Variants in LACTB2 observed in about 807,000 individuals in gnomAD.
LACTB2 encodes lactamase beta 2.
A neutral mutation model predicts 34.8 loss-of-function variants in LACTB2; 32 were observed. The observed-to-expected ratio is 0.92, with a 90% CI of 0.69 to 1.24. The LOEUF is 1.24. Ranked by LOEUF, LACTB2 falls within the 50% of genes most tolerant of loss-of-function variation. The probability of loss-of-function intolerance (pLI) is 0.00; values close to 1 mark genes in which losing one functional copy is unlikely to be tolerated. For missense variants in LACTB2, 320 were observed against 345.0 expected (o/e 0.93, Z 0.57); for synonymous variants, 120 against 117.5 (o/e 1.02, Z -0.14).
At chr8:70,638,761 A>G in intron 5 of LACTB2, 132 bp from the exon 6 acceptor site, 1 of 633,100 alleles carries the variant, frequency 1.6e-6, no homozygotes, top group Non-Finnish European at 2.3e-6. Flanking sequence ...TTTTTTTTTG[A>G]GACAGAGTCT....
chr8:70,657,428 ATTTTTTTT>A (rs777806428), intron 3 of LACTB2, among the ~76,000 whole-genome samples: 2 of 115,822 alleles, frequency 1.7e-5, no homozygotes, highest in Non-Finnish European at 3.7e-5. Flanking sequence ...CAGATCTTCT[ATTTTTTTT>A]TTTTTTTTTT....
chr8:70,638,669 TAA>T, intron 5 of LACTB2, 40 bp from the exon 6 acceptor site: 1 of 1,339,792 alleles, frequency 7.5e-7, no homozygotes, highest in East Asian at 2.8e-5. Flanking sequence ...CCTTTTTTTT[TAA>T]AAAAAAGAAC....
At chr8:70,651,718 G>C (rs1818345785) in intron 3 of LACTB2, 1 of 151,960 alleles carries the variant, frequency 6.6e-6, no homozygotes, top group African/African-American at 2.4e-5. Context: ...CAAGTAGCAG[G>C]GTTTCTTAAA....
Position 70,640,928 on chromosome 8 carries a change from T to C in LACTB2, c.715A>G (p.Met239Val). 6.2e-7 allele frequency: 1 copy of C among 1,602,898 alleles called. No individual in the cohort carries two copies. The change falls in exon 5 of 7, where the codon ATG becomes GTG. Residue 239 changes from methionine (M) to valine (V), a missense_variant. Coordinates refer to ENST00000276590, the MANE Select transcript of LACTB2 (RefSeq NM_016027.3). ...TTGTAAATAATTTTTACAAGCTCCA[T>C]TACTGTAAATGATTTCTCAAAGTTC... ...RENFEKSFTV[M>V]ELVKIIYKNT...
At chr8:70,668,748 G>GTTTTTTTTTGTT (rs1818573164) in intron 1 of LACTB2, among the ~76,000 whole-genome samples, 3 of 103,732 alleles carry the variant, frequency 2.9e-5, no homozygotes, top group African/African-American at 8.4e-5. Flanking sequence ...CAAAACAGAA[G>GTTTTTTTTTGTT]TTTTTTTTTT....
At chr8:70,643,624 C>A (rs1400772297) in intron 4 of LACTB2, among the ~76,000 whole-genome samples, 1 of 152,080 alleles carries the variant, frequency 6.6e-6, no homozygotes, top group East Asian at 1.9e-4. Flanking sequence ...AAGCGATTCT[C>A]CTGTCTCAGC....
At chr8:70,666,045 A>C (rs943387531) in intron 1 of LACTB2, among the ~76,000 whole-genome samples, 3 of 152,212 alleles carry the variant, frequency 2.0e-5, no homozygotes, top group Admixed American at 6.5e-5. Context: ...TGAGGAAGGA[A>C]GACCAGCTAA....
intron 3 of LACTB2, among the ~76,000 whole-genome samples, chr8:70,657,428 A>ATTTTTT (rs777806428): frequency 1.7e-5 from 2 of 115,818 alleles, no homozygotes; most frequent in Non-Finnish European, 3.7e-5. Context: ...CAGATCTTCT[A>ATTTTTT]TTTTTTTTTT....
At chr8:70,641,981 A>G (rs940880307) in intron 4 of LACTB2, among the ~76,000 whole-genome samples, 23 of 152,278 alleles carry the variant, frequency 1.5e-4, no homozygotes, top group African/African-American at 4.8e-4. Context: ...CCTACTTTAC[A>G]TGGGTTTTGG....
intron 4 of LACTB2, among the ~76,000 whole-genome samples, chr8:70,642,191 A>G (rs569311893): frequency 4.7e-4 from 72 of 152,338 alleles, no homozygotes; most frequent in African/African-American, 1.6e-3. Context: ...AATTCACTCA[A>G]CGTCTGCCCT....
Position 70,637,886 on chromosome 8 carries a change from C to A in LACTB2, c.841G>T (p.Asp281Tyr). ...EGKIFSNTDPDKKWKAHL is the reference protein window; with the variant it reads ...EGKIFSNTDPYKKWKAHL ...TAAAGATGAGCTTTCCATTTCTTGTCAGGATCTGTGTTGCTAACTGTAAAA... is the reference window on the plus strand; with the variant it reads ...TAAAGATGAGCTTTCCATTTCTTGTAAGGATCTGTGTTGCTAACTGTAAAA... Residue 281 changes from aspartate (D) to tyrosine (Y), a missense_variant, in exon 7 of 7, where the codon GAC becomes TAC. Asp to Tyr is a radical substitution (Grantham distance 160). Transcript: ENST00000276590. The A allele has an allele frequency of 1.3e-6, 2 of 1,555,140 alleles. No homozygotes were observed. Among genetic ancestry groups the A allele is most frequent in the Admixed American group, 1.9e-5 (1 of 53,480 alleles).
At chr8:70,645,103 T>C (rs1818246655) in intron 3 of LACTB2, among the ~76,000 whole-genome samples, 1 of 151,998 alleles carries the variant, frequency 6.6e-6, no homozygotes, top group African/African-American at 2.4e-5. Context: ...CATATATGTT[T>C]ATTTATTTTT....
chr8:70,657,919 TTTATAA>T (rs767312584), intron 2 of LACTB2, 37 bp from the exon 3 acceptor site: 16 of 1,422,884 alleles, frequency 1.1e-5, no homozygotes, highest in Admixed American at 2.0e-5. Context: ...TAATTCACAC[TTTATAA>T]TTAAGCCTTT....
chr8:70,645,386 T>C (rs892254765), intron 3 of LACTB2, among the ~76,000 whole-genome samples: 1 of 152,212 alleles, frequency 6.6e-6, no homozygotes, highest in Non-Finnish European at 1.5e-5. Context: ...GCATAGCAGA[T>C]GGCACAAAAT....
At chr8:70,640,444 T>G in intron 5 of LACTB2, 1 of 153,102 alleles carries the variant, frequency 6.5e-6, no homozygotes, top group African/African-American at 2.4e-5. Context: ...TTCTTTGATT[T>G]TTTTTTTCTT....
chr8:70,658,497 G>A (rs1047804363), intron 2 of LACTB2, among the ~76,000 whole-genome samples: 1 of 152,090 alleles, frequency 6.6e-6, no homozygotes, highest in Non-Finnish European at 1.5e-5. Context: ...TGATATCAAA[G>A]TTCTTAAAAG....
chr8:70,645,557 C>T lies in LACTB2; in HGVS notation c.414-1314G>A, dbSNP rs565869028. 3.3e-5 allele frequency among the ~76,000 whole-genome samples: 5 copies of T among 151,674 alleles called. No individual in the cohort carries two copies. The East Asian group carries it at 9.7e-4, about 29-fold the overall frequency. ...ATGTGCACAACGTGCAGGTTAGTTACGTATGTATACATGCGCCATGTTGGT... is the reference window on the plus strand; with the variant it reads ...ATGTGCACAACGTGCAGGTTAGTTATGTATGTATACATGCGCCATGTTGGT... On this transcript the variant is annotated intron_variant, in intron 3 of 6. Transcript: ENST00000276590.
chr8:70,668,748 G>GTTTTTTTT lies in LACTB2; in HGVS notation c.122+243_122+250dup, dbSNP rs990900411. On this transcript the variant is annotated intron_variant, in intron 1 of 6. Transcript: ENST00000276590. ...CAGTAAATCGGGTTTCAAAACAGAA[G>GTTTTTTTT]TTTTTTTTTTTTTTTTTTTTTTTTT... Among the ~76,000 whole-genome samples the GTTTTTTTT allele has an allele frequency of 5.8e-4, 60 of 103,702 alleles. 6 individuals are homozygous for GTTTTTTTT. The highest frequency in any genetic ancestry group is 2.3e-3 in the African/African-American group (56 of 23,884). 68.0% of individuals were successfully genotyped at this position (103,702 alleles called of 152,430 possible).
chr8:70,661,834 A>T lies in LACTB2; in HGVS notation c.186T>A (p.Ala62=), dbSNP rs749906245. ...IPEYISCLKQ[A]LTEFNTAIQE... Reference sequence around the variant, plus strand: ...GGATTGCTGTGTTAAATTCAGTTAGAGCCTGCTTTAAACAGCTGATGTATT... The same window carrying T: ...GGATTGCTGTGTTAAATTCAGTTAGTGCCTGCTTTAAACAGCTGATGTATT... Residue 62 remains alanine (A), a synonymous_variant, in exon 2 of 7, where the codon GCT becomes GCA. Transcript: ENST00000276590. 1.2e-6 allele frequency: 2 copies of T among 1,613,592 alleles called. No individual in the cohort carries two copies. The highest frequency in any genetic ancestry group is 1.3e-5 in the African/African-American group (1 of 74,882).
Sources: gnomAD v4.1 joint callset for allele counts (sites outside exome capture counted in the v4.1 genomes callset) on GRCh38, gnomAD v4.1.1 for gene constraint, MANE v1.5 for transcripts, NCBI Gene and HGNC (gene_info 2026-07-23, HGNC 2026-07-21) for gene names.